The following PRKN variants were observed in gnomAD, a reference collection of about 807,000 sequenced individuals.
The protein encoded by PRKN is E3 ubiquitin-protein ligase parkin.
A neutral mutation model predicts 59.5 loss-of-function variants in PRKN; 56 were observed. The observed-to-expected ratio is 0.94, with a 90% CI of 0.76 to 1.18. The LOEUF is 1.18. Among genes scored for constraint, PRKN ranks in the 50% most tolerant of loss-of-function variants. The probability of loss-of-function intolerance (pLI) is 0.00; values close to 1 mark genes in which losing one functional copy is unlikely to be tolerated. For missense variants in PRKN, 657 were observed against 596.4 expected, an observed-to-expected ratio of 1.10 and a Z score of -1.06; for synonymous variants, 250 against 222.1, an observed-to-expected ratio of 1.13 and a Z score of -1.12.
intron 7 of PRKN, among the ~76,000 whole-genome samples, chr6:161,570,124 T>TAAAAAAAAAAAAAAAAAAAAG (rs1780816598): frequency 1.9e-5 from 1 of 51,444 alleles, no homozygotes; most frequent in Non-Finnish European, 3.4e-5. Flanking sequence ...AGTAAATAGG[T>TAAAAAAAAAAAAAAAAAAAAG]AAAAAAAAAA....
At chr6:161,536,954 T>A (rs552530968) in intron 9 of PRKN, among the ~76,000 whole-genome samples, 39 of 152,176 alleles carry the variant, frequency 2.6e-4, no homozygotes, top group Non-Finnish European at 5.0e-4. Flanking sequence ...TTACAGGAAG[T>A]TCTGGGTCAA....
chr6:162,346,765 G>A (rs1784421274), intron 2 of PRKN, among the ~76,000 whole-genome samples: 1 of 152,014 alleles, frequency 6.6e-6, no homozygotes, highest in African/African-American at 2.4e-5. Flanking sequence ...TGTCAATATG[G>A]TAAATTACAT....
intron 2 of PRKN, among the ~76,000 whole-genome samples, chr6:162,412,649 C>G (rs921603361): frequency 3.9e-5 from 6 of 152,116 alleles, no homozygotes; most frequent in Non-Finnish European, 8.8e-5. Flanking sequence ...ACATTAAATA[C>G]AACTGTGCTT....
At chr6:162,384,635 A>G (rs537779957) in intron 2 of PRKN, among the ~76,000 whole-genome samples, 56 of 147,720 alleles carry the variant, frequency 3.8e-4, no homozygotes, top group African/African-American at 1.1e-3. Flanking sequence ...GTTGCCACAA[A>G]GCTTCAATTT....
intron 4 of PRKN, among the ~76,000 whole-genome samples, chr6:162,187,906 G>A (rs1784098346): frequency 1.3e-5 from 2 of 152,110 alleles, no homozygotes; most frequent in South Asian, 4.1e-4. Context: ...GTTTGGCTGT[G>A]TCCCCACCCA....
chr6:161,893,398 T>C (rs1004972739), intron 6 of PRKN, among the ~76,000 whole-genome samples: 6 of 152,314 alleles, frequency 3.9e-5, no homozygotes, highest in African/African-American at 1.4e-4. Context: ...TGAGTTAGCT[T>C]TGTTCTCATC....
chr6:161,912,810 A>G (rs965068048), intron 6 of PRKN, among the ~76,000 whole-genome samples: 1 of 152,060 alleles, frequency 6.6e-6, no homozygotes, highest in Non-Finnish European at 1.5e-5. Flanking sequence ...AGAGCACCAC[A>G]CTGTCCTCAT....
intron 7 of PRKN, among the ~76,000 whole-genome samples, chr6:161,689,028 A>G (rs1583008416): frequency 1.3e-5 from 2 of 152,214 alleles, no homozygotes; most frequent in African/African-American, 2.4e-5. Context: ...TGCAAAGCCT[A>G]TGAAGATAAT....
At position 161,535,047 on chromosome 6, in the gene PRKN, A is replaced by G. The variant is rs375226835; in HGVS notation, c.1083+13807T>C. On this transcript the variant is annotated intron_variant, in intron 9 of 11. Coordinates refer to ENST00000366898, the MANE Select transcript of PRKN (RefSeq NM_004562.3). The stretch of plus-strand genomic sequence containing the variant: ...TAGTCTGTGGTACATGTGGTTCTAC[A>G]TGGTTTAGTAGTGCCTTTGTATGTG... Among the ~76,000 whole-genome samples, 20 of 152,372 alleles carry G rather than the reference A, an allele frequency of 1.3e-4. No individual in the cohort carries two copies. In the South Asian group the frequency reaches 3.5e-3, roughly 27 times the overall value.
intron 6 of PRKN, among the ~76,000 whole-genome samples, chr6:161,887,701 T>G (rs912438312): frequency 1.2e-4 from 18 of 152,198 alleles, no homozygotes; most frequent in Non-Finnish European, 2.1e-4. Context: ...TTTTAAAAAT[T>G]TGCATAAAAG....
intron 6 of PRKN, among the ~76,000 whole-genome samples, chr6:161,825,912 C>T (rs757256122): frequency 1.3e-5 from 2 of 152,184 alleles, no homozygotes; most frequent in Non-Finnish European, 2.9e-5. Context: ...TTTAGGGCCC[C>T]TGAAGCTGCG....
chr6:162,610,988 A>G (rs1000516983), intron 1 of PRKN, among the ~76,000 whole-genome samples: 3 of 152,226 alleles, frequency 2.0e-5, no homozygotes, highest in African/African-American at 4.8e-5. Flanking sequence ...CAGGAGAATC[A>G]TAATTATCTT....
At chr6:162,303,163 A>T (rs1297962802) in intron 2 of PRKN, among the ~76,000 whole-genome samples, 2 of 152,196 alleles carry the variant, frequency 1.3e-5, no homozygotes, top group Non-Finnish European at 2.9e-5. Context: ...GGCAATAGTT[A>T]TTAAATAGTG....
At chr6:161,807,202 A>C (rs766292474) in intron 6 of PRKN, among the ~76,000 whole-genome samples, 1 of 152,186 alleles carries the variant, frequency 6.6e-6, no homozygotes, top group Non-Finnish European at 1.5e-5. Flanking sequence ...AACCATACGG[A>C]GATTTCAGTA....
At chr6:161,652,055 T>C (rs189981897) in intron 7 of PRKN, among the ~76,000 whole-genome samples, 1 of 152,360 alleles carries the variant, frequency 6.6e-6, no homozygotes, top group East Asian at 1.9e-4. Flanking sequence ...CTTATTATCC[T>C]ACCTAGTGTC....
chr6:161,986,185 A>G (rs1314499092), intron 5 of PRKN, among the ~76,000 whole-genome samples: 1 of 152,198 alleles, frequency 6.6e-6, no homozygotes, highest in Non-Finnish European at 1.5e-5. Flanking sequence ...CTTAATCTGC[A>G]TGTAATTACA....
At chr6:161,660,438 A>C (rs1784500914) in intron 7 of PRKN, among the ~76,000 whole-genome samples, 1 of 152,216 alleles carries the variant, frequency 6.6e-6, no homozygotes, top group Non-Finnish European at 1.5e-5. Context: ...AACCATTCAA[A>C]GGAAAAAACA....
chr6:161,590,832 C>T (rs567014451), intron 7 of PRKN, among the ~76,000 whole-genome samples: 2 of 151,992 alleles, frequency 1.3e-5, no homozygotes, highest in East Asian at 3.9e-4. Flanking sequence ...CTGTCCTGCG[C>T]TCATAAAAAA....
intron 3 of PRKN, among the ~76,000 whole-genome samples, chr6:162,256,302 T>C (rs191544465): frequency 6.6e-6 from 1 of 152,330 alleles, no homozygotes; most frequent in Non-Finnish European, 1.5e-5. Context: ...ATTCTTGATT[T>C]ATGTATGAAA....
Sources: allele counts gnomAD v4.1 joint callset (sites outside exome capture counted in the v4.1 genomes callset), GRCh38; gene constraint gnomAD v4.1.1; transcripts MANE v1.5; gene names NCBI Gene and HGNC (gene_info 2026-07-23, HGNC 2026-07-21).